The following RBFOX1 variants were observed in gnomAD, a reference collection of about 807,000 sequenced individuals.
RBFOX1 encodes the protein RNA binding fox-1 homolog 1.
Under a neutral mutation model 57.7 loss-of-function variants are expected in RBFOX1, and 8 were observed. The observed-to-expected ratio is 0.14, with a 90% CI of 0.08 to 0.25. The LOEUF (loss-of-function observed/expected upper bound fraction) is 0.25. RBFOX1 is among the 10% of genes least tolerant of loss of function. The probability of loss-of-function intolerance (pLI) is 1.00; values close to 1 mark genes in which losing one functional copy is unlikely to be tolerated. For missense variants in RBFOX1, 611 were observed against 548.5 expected, an observed-to-expected ratio of 1.11 and a Z score of -1.14; for synonymous variants, 326 against 222.4, an observed-to-expected ratio of 1.47 and a Z score of -4.15.
intron 4 of RBFOX1, among the ~76,000 whole-genome samples, chr16:7,248,098 T>TC (rs1249961830): frequency 2.0e-5 from 3 of 152,186 alleles, no homozygotes; most frequent in Admixed American, 2.0e-4. Context: ...AACCGCTGAT[T>TC]TTAGGAAGAA....
chr16:6,470,711 A>C (rs1009791273), intron 2 of RBFOX1, among the ~76,000 whole-genome samples: 1 of 152,156 alleles, frequency 6.6e-6, no homozygotes, highest in Non-Finnish European at 1.5e-5. Context: ...CTGGTCATCG[A>C]TACCACCATT....
intron 3 of RBFOX1, among the ~76,000 whole-genome samples, chr16:6,925,455 C>CATTTATTT (rs35991387): frequency 0.05 from 7,313 of 147,416 alleles, 538 homozygotes; most frequent in African/African-American, 0.16. Flanking sequence ...ATGGACTCCA[C>CATTTATTT]ATTTATTTAT....
intron 1 of RBFOX1, among the ~76,000 whole-genome samples, chr16:5,376,546 G>A (rs1372717289): frequency 1.3e-5 from 2 of 152,148 alleles, no homozygotes; most frequent in Non-Finnish European, 2.9e-5. Flanking sequence ...CAGCAGAGGA[G>A]GCAGTTGATG....
chr16:6,523,632 A>T (rs1281833578), intron 2 of RBFOX1, among the ~76,000 whole-genome samples: 1 of 152,182 alleles, frequency 6.6e-6, no homozygotes, highest in Non-Finnish European at 1.5e-5. Context: ...TCAAGATTTT[A>T]TCCAATCTTC....
Position 6,692,953 on chromosome 16 carries a change from C to T in RBFOX1, c.-16+38303C>T, listed in dbSNP as rs547504996. Among the ~76,000 whole-genome samples, 26 of 151,914 alleles carry T rather than the reference C, an allele frequency of 1.7e-4. 1 individual carries two copies. Among genetic ancestry groups the T allele is most frequent in the Middle Eastern group, 3.4e-3 (1 of 292 alleles). ...CCACCATTATTATCAACATCATCCC[C>T]ATCCACTACCATCACCGGCATCATT... On this transcript the variant is annotated intron_variant, in intron 3 of 15. Transcript: ENST00000550418.
In RBFOX1 at chr16:6,860,452, T is replaced by C. The variant is rs187935071; in HGVS notation, c.-15-191605T>C. Among the ~76,000 whole-genome samples, 58 of 152,344 alleles carry C rather than the reference T, an allele frequency of 3.8e-4. 1 individual carries two copies. Among genetic ancestry groups the C allele is most frequent in the African/African-American group, 1.4e-3 (57 of 41,586 alleles). ...TAAGACGCGGGGGCAGCGGGCGCTC[T>C]ACCGTGCTGCTGATGGAAGAGTATA... is the stretch of plus-strand genomic sequence containing the variant. On this transcript the variant is annotated intron_variant, in intron 3 of 15. Transcript: ENST00000550418.
intron 4 of RBFOX1, among the ~76,000 whole-genome samples, chr16:7,111,841 G>A (rs1221215723): frequency 6.6e-6 from 1 of 151,764 alleles, no homozygotes; most frequent in Admixed American, 6.6e-5. Flanking sequence ...ATAATTCCAG[G>A]GCTAACATCC....
chr16:6,505,709 C>G (rs1213813544), intron 2 of RBFOX1, among the ~76,000 whole-genome samples: 3 of 152,176 alleles, frequency 2.0e-5, no homozygotes, highest in African/African-American at 4.8e-5. Context: ...GTGTAGTACT[C>G]TTTGGTACAG....
intron 3 of RBFOX1, among the ~76,000 whole-genome samples, chr16:6,661,814 G>A (rs1312600145): frequency 1.3e-5 from 2 of 152,306 alleles, no homozygotes; most frequent in East Asian, 3.9e-4. Context: ...TTAGCGGCGG[G>A]ATGCCTGGAT....
intron 1 of RBFOX1, among the ~76,000 whole-genome samples, chr16:6,304,775 C>T (rs1020478475): frequency 2.7e-5 from 4 of 148,514 alleles, no homozygotes; most frequent in Non-Finnish European, 4.4e-5. Flanking sequence ...GTGCCAGCTA[C>T]TCAGGAGGCT....
intron 3 of RBFOX1, among the ~76,000 whole-genome samples, chr16:6,918,577 A>G (rs1243525715): frequency 6.6e-6 from 1 of 152,184 alleles, no homozygotes; most frequent in Non-Finnish European, 1.5e-5. Flanking sequence ...AAGAATAAGT[A>G]ACCAGGGACA....
intron 1 of RBFOX1, among the ~76,000 whole-genome samples, chr16:6,079,999 C>T (rs1597096904): frequency 6.6e-6 from 1 of 152,276 alleles, no homozygotes; most frequent in Non-Finnish European, 1.5e-5. Flanking sequence ...GGCTTACAAC[C>T]ATGTAACAAT....
chr16:6,039,251 G>A (rs1371496675), intron 1 of RBFOX1, among the ~76,000 whole-genome samples: 1 of 151,214 alleles, frequency 6.6e-6, no homozygotes, highest in Non-Finnish European at 1.5e-5. Flanking sequence ...CAATGTCATG[G>A]CCTCTGTCTG....
At chr16:6,195,079 A>G (rs2152818133) in intron 1 of RBFOX1, among the ~76,000 whole-genome samples, 1 of 152,310 alleles carries the variant, frequency 6.6e-6, no homozygotes, top group Admixed American at 6.5e-5. Flanking sequence ...GAAACATAAG[A>G]TGTTAGGGTT....
chr16:5,263,124 G>A (rs1418500176), intron 1 of RBFOX1, among the ~76,000 whole-genome samples: 1 of 152,082 alleles, frequency 6.6e-6, no homozygotes, highest in African/African-American at 2.4e-5. Flanking sequence ...AATTCTAATT[G>A]GGCTTCTGCT....
intron 4 of RBFOX1, among the ~76,000 whole-genome samples, chr16:7,312,991 C>T (rs959372333): frequency 6.6e-6 from 1 of 152,034 alleles, no homozygotes. Context: ...ACCGGGGAAG[C>T]TGACACGTGC....
At chr16:6,957,881 G>A (rs761013596) in intron 3 of RBFOX1, among the ~76,000 whole-genome samples, 1 of 152,152 alleles carries the variant, frequency 6.6e-6, no homozygotes, top group Non-Finnish European at 1.5e-5. Context: ...ATTAGTCAGA[G>A]CCCTTAAATG....
intron 3 of RBFOX1, among the ~76,000 whole-genome samples, chr16:5,614,184 G>T (rs572031215): frequency 6.6e-6 from 1 of 152,110 alleles, no homozygotes; most frequent in African/African-American, 2.4e-5. Context: ...GTCCTGTCAC[G>T]TACAGCCTGA....
At chr16:6,930,654 C>T (rs913746646) in intron 3 of RBFOX1, among the ~76,000 whole-genome samples, 1 of 152,150 alleles carries the variant, frequency 6.6e-6, no homozygotes, top group African/African-American at 2.4e-5. Flanking sequence ...AGGTGATCCG[C>T]CTGCCTTGGC....
Sources: gnomAD v4.1 joint callset for allele counts (sites outside exome capture counted in the v4.1 genomes callset) on GRCh38, gnomAD v4.1.1 for gene constraint, MANE v1.5 for transcripts, NCBI Gene and HGNC (gene_info 2026-07-23, HGNC 2026-07-21) for gene names.